MECOM: variants seen among roughly 807,000 people sequenced by gnomAD.
The protein encoded by MECOM is histone-lysine N-methyltransferase MECOM.
In MECOM, 13 loss-of-function variants were observed where a neutral mutation model predicts 116.3. That is an observed-to-expected ratio of 0.11 (90% CI 0.07 to 0.18). MECOM has a LOEUF of 0.18. Ranked by LOEUF, MECOM falls within the 10% of genes least tolerant of loss-of-function variation. The pLI is 1.00. For synonymous variants in MECOM, 528 were observed against 535.2 expected (o/e 0.99, Z 0.19); for missense variants, 1,299 against 1,509.0 (o/e 0.86, Z 2.31).
chr3:169,125,011 G>A (rs1235923655), intron 5 of MECOM, among the ~76,000 whole-genome samples: 2 of 152,022 alleles, frequency 1.3e-5, no homozygotes, highest in East Asian at 3.8e-4. Context: ...AATTAGAAAT[G>A]CATTTCCTAA....
intron 1 of MECOM, among the ~76,000 whole-genome samples, chr3:169,497,976 CAA>C (rs1181400854): frequency 6.6e-6 from 1 of 152,114 alleles, no homozygotes; most frequent in Non-Finnish European, 1.5e-5. Flanking sequence ...GCTGAAAAAA[CAA>C]AAGTTAGTAT....
At chr3:169,212,216 C>A (rs1178414775) in intron 2 of MECOM, among the ~76,000 whole-genome samples, 1 of 151,982 alleles carries the variant, frequency 6.6e-6, no homozygotes. Flanking sequence ...TCGCTTAATG[C>A]AGCAGCATCT....
At chr3:169,139,928 T>C (rs1456601898) in intron 3 of MECOM, among the ~76,000 whole-genome samples, 4 of 150,110 alleles carry the variant, frequency 2.7e-5, no homozygotes, top group Non-Finnish European at 5.9e-5. Context: ...TACAAGACTT[T>C]AAAGGAAAGA....
intron 2 of MECOM, among the ~76,000 whole-genome samples, chr3:169,201,591 G>T (rs77977888): frequency 1.6e-4 from 25 of 152,130 alleles, no homozygotes; most frequent in Admixed American, 1.2e-3. Flanking sequence ...TGGGTTCAAA[G>T]CCTAGTTGTA....
chr3:169,302,931 A>G (rs144298593), intron 2 of MECOM, among the ~76,000 whole-genome samples: 234 of 152,306 alleles, frequency 1.5e-3, no homozygotes, highest in African/African-American at 5.5e-3. Flanking sequence ...GATTAACAAC[A>G]AAGAAAAATT....
intron 2 of MECOM, among the ~76,000 whole-genome samples, chr3:169,226,380 A>C (rs1220944290): frequency 6.6e-6 from 1 of 152,218 alleles, no homozygotes; most frequent in Non-Finnish European, 1.5e-5. Context: ...GAATAAAGGA[A>C]TTTATAATAA....
intron 2 of MECOM, among the ~76,000 whole-genome samples, chr3:169,338,600 GGT>G (rs149763365): frequency 0.021 from 3,122 of 146,168 alleles, 27 homozygotes; most frequent in Admixed American, 0.03. Flanking sequence ...TTATGTTAGG[GGT>G]GTGTGTGTGT....
intron 1 of MECOM, among the ~76,000 whole-genome samples, chr3:169,404,388 A>G (rs141596810): frequency 2.6e-4 from 39 of 152,330 alleles, no homozygotes; most frequent in African/African-American, 9.4e-4. Context: ...GCCAAACAAC[A>G]AAACAATCCA....
intron 1 of MECOM, among the ~76,000 whole-genome samples, chr3:169,533,595 T>TTTTA (rs1758940853): frequency 1.3e-5 from 2 of 151,170 alleles, no homozygotes; most frequent in African/African-American, 4.9e-5. Flanking sequence ...TTTTTTTATT[T>TTTTA]CCTTATGTCG....
chr3:169,561,495 C>T (rs891511459), intron 1 of MECOM, among the ~76,000 whole-genome samples: 2 of 152,048 alleles, frequency 1.3e-5, no homozygotes, highest in Non-Finnish European at 2.9e-5. Context: ...ATAATATAAA[C>T]AGTTGGTCCC....
chr3:169,630,470 AAGAC>A (rs1180281783), intron 1 of MECOM, among the ~76,000 whole-genome samples: 1 of 150,914 alleles, frequency 6.6e-6, no homozygotes. Flanking sequence ...AAAAAAAAAA[AAGAC>A]AGAGTCACAC....
intron 1 of MECOM, among the ~76,000 whole-genome samples, chr3:169,607,761 C>T (rs557048266): frequency 6.6e-6 from 1 of 152,320 alleles, no homozygotes; most frequent in Admixed American, 6.5e-5. Flanking sequence ...CACCTGAATG[C>T]GTCTATGTCA....
intron 1 of MECOM, among the ~76,000 whole-genome samples, chr3:169,612,527 T>C (rs1769416828): frequency 6.6e-6 from 1 of 152,184 alleles, no homozygotes; most frequent in Non-Finnish European, 1.5e-5. Context: ...AGTTTTAATC[T>C]GTATGTTCCT....
At chr3:169,354,623 T>A (rs1240498094) in intron 2 of MECOM, among the ~76,000 whole-genome samples, 5 of 151,934 alleles carry the variant, frequency 3.3e-5, no homozygotes, top group African/African-American at 1.2e-4. Context: ...AGAAAATGTG[T>A]GCAAAGTTTA....
At chr3:169,656,024 G>C (rs1438963410) in intron 1 of MECOM, among the ~76,000 whole-genome samples, 1 of 152,196 alleles carries the variant, frequency 6.6e-6, no homozygotes, top group Non-Finnish European at 1.5e-5. Context: ...ATCATGCCCA[G>C]ATTCAAACAC....
At chr3:169,308,695 T>G (rs1163382508) in intron 2 of MECOM, among the ~76,000 whole-genome samples, 1 of 152,220 alleles carries the variant, frequency 6.6e-6, no homozygotes, top group Non-Finnish European at 1.5e-5. Flanking sequence ...ATAAAGGTAT[T>G]TAACTCAACA....
chr3:169,205,947 G>T (rs1033580196), intron 2 of MECOM, among the ~76,000 whole-genome samples: 2 of 152,118 alleles, frequency 1.3e-5, no homozygotes, highest in Admixed American at 1.3e-4. Context: ...TTTAAAAATG[G>T]AAAGACTTGG....
intron 2 of MECOM, among the ~76,000 whole-genome samples, chr3:169,182,413 T>C (rs949518229): frequency 1.4e-4 from 21 of 152,206 alleles, no homozygotes; most frequent in Admixed American, 1.3e-3. Flanking sequence ...ATCACAGCTT[T>C]TGATGCACGA....
intron 2 of MECOM, among the ~76,000 whole-genome samples, chr3:169,244,343 T>C (rs1405003996): frequency 6.6e-6 from 1 of 152,220 alleles, no homozygotes; most frequent in Non-Finnish European, 1.5e-5. Flanking sequence ...GGCATGGTGC[T>C]GTGGCATGCA....
Sources: gnomAD v4.1 joint callset for allele counts (sites outside exome capture counted in the v4.1 genomes callset) on GRCh38, gnomAD v4.1.1 for gene constraint, MANE v1.5 for transcripts, NCBI Gene and HGNC (gene_info 2026-07-23, HGNC 2026-07-21) for gene names.